Variants in IGSF11 observed in about 807,000 individuals in gnomAD.
IGSF11 encodes immunoglobulin superfamily member 11.
In IGSF11, 22 loss-of-function variants were observed where a neutral mutation model predicts 41.0. The observed-to-expected ratio is 0.54, with a 90% CI of 0.38 to 0.77. The LOEUF (loss-of-function observed/expected upper bound fraction) is 0.77. Among genes scored for constraint, IGSF11 ranks in the 30% least tolerant of loss-of-function variants. The probability of loss-of-function intolerance (pLI) is 0.00; values close to 1 mark genes in which losing one functional copy is unlikely to be tolerated. For synonymous variants in IGSF11, 219 were observed against 201.3 expected (o/e 1.09, Z -0.74); for missense variants, 444 against 530.8 (o/e 0.84, Z 1.61).
upstream of IGSF11, among the ~76,000 whole-genome samples, chr3:119,107,032 G>C (rs1026968915): frequency 5.3e-5 from 8 of 152,130 alleles, no homozygotes; most frequent in African/African-American, 1.9e-4. Context: ...ATTGTAAATA[G>C]TGCCACAATC....
upstream of IGSF11, chr3:119,035,008 C>A (rs2107742327): frequency 4.8e-6 from 1 of 209,142 alleles, no homozygotes; most frequent in Non-Finnish European, 8.4e-6. Context: ...CGGAGCAGAG[C>A]GCGGCGCGCA....
At chr3:118,969,796 G>A (rs923090579) in intron 1 of IGSF11, among the ~76,000 whole-genome samples, 2 of 152,312 alleles carry the variant, frequency 1.3e-5, no homozygotes. Flanking sequence ...TAAAATGCTA[G>A]ATTTGTGTGG....
chr3:119,019,625 G>A (rs946638047), intron 1 of IGSF11, among the ~76,000 whole-genome samples: 1 of 152,020 alleles, frequency 6.6e-6, no homozygotes, highest in African/African-American at 2.4e-5. Flanking sequence ...GGAAAGAGTT[G>A]CCCCTATAGC....
intron 4 of IGSF11, among the ~76,000 whole-genome samples, chr3:118,916,850 G>C (rs923338958): frequency 1.2e-4 from 18 of 151,520 alleles, no homozygotes; most frequent in Admixed American, 3.3e-4. Flanking sequence ...TGACCACATA[G>C]TTGGAAGTAA....
At chr3:119,068,585 G>A (rs1942301982) in intron 1 of IGSF11, among the ~76,000 whole-genome samples, 1 of 152,182 alleles carries the variant, frequency 6.6e-6, no homozygotes, top group Non-Finnish European at 1.5e-5. Flanking sequence ...TTCCATATCT[G>A]TAGTGGTCCT....
chr3:119,026,077 T>G (rs1222338877), intron 1 of IGSF11, among the ~76,000 whole-genome samples: 3 of 152,170 alleles, frequency 2.0e-5, no homozygotes, highest in Admixed American at 2.0e-4. Context: ...GAGACCAGCC[T>G]GACCAACATG....
At chr3:118,994,938 G>T (rs1428587267) in intron 1 of IGSF11, among the ~76,000 whole-genome samples, 1 of 152,158 alleles carries the variant, frequency 6.6e-6, no homozygotes, top group Non-Finnish European at 1.5e-5. Context: ...AGGAAAGCAG[G>T]CCACAGTCAA....
chr3:119,128,302 G>T (rs1369293069), intron 1 of IGSF11, among the ~76,000 whole-genome samples: 1 of 152,046 alleles, frequency 6.6e-6, no homozygotes, highest in Non-Finnish European at 1.5e-5. Context: ...AGGTTGCAGT[G>T]AGCTGAGAGC....
intron 1 of IGSF11, among the ~76,000 whole-genome samples, chr3:118,965,488 A>C (rs894912733): frequency 6.6e-6 from 1 of 152,042 alleles, no homozygotes; most frequent in Non-Finnish European, 1.5e-5. Flanking sequence ...TGGCTCGAAA[A>C]TGAATCAATG....
At chr3:119,127,572 C>T (rs751402488) in intron 1 of IGSF11, among the ~76,000 whole-genome samples, 7 of 152,016 alleles carry the variant, frequency 4.6e-5, no homozygotes, top group East Asian at 1.9e-4. Context: ...AGATAGTCCA[C>T]GAGAAGATCA....
chr3:119,112,040 G>C (rs969773709), intron 1 of IGSF11, among the ~76,000 whole-genome samples: 9 of 152,188 alleles, frequency 5.9e-5, no homozygotes, highest in African/African-American at 2.2e-4. Context: ...CGGGGGTCAG[G>C]GGTCTGGGAC....
intron 1 of IGSF11, among the ~76,000 whole-genome samples, chr3:119,086,808 G>A (rs2076683374): frequency 6.6e-6 from 1 of 152,150 alleles, no homozygotes. Flanking sequence ...GCACACTTAA[G>A]CACATAGCCC....
chr3:119,106,915 A>T (rs1468127215), upstream of IGSF11, among the ~76,000 whole-genome samples: 1 of 152,092 alleles, frequency 6.6e-6, no homozygotes, highest in Non-Finnish European at 1.5e-5. Context: ...AAGGACATGA[A>T]CTCATCATTT....
chr3:118,903,620 C>T (rs1438160143), intron 6 of IGSF11, among the ~76,000 whole-genome samples: 1 of 152,090 alleles, frequency 6.6e-6, no homozygotes, highest in Non-Finnish European at 1.5e-5. Context: ...GCATATGGCC[C>T]AAACGCTTAA....
At chr3:118,959,848 C>T (rs1480892359) in intron 1 of IGSF11, among the ~76,000 whole-genome samples, 2 of 151,956 alleles carry the variant, frequency 1.3e-5, no homozygotes, top group African/African-American at 4.8e-5. Flanking sequence ...GAGATCGAGA[C>T]CATCCTGGCT....
At chr3:118,971,229 A>G (rs2107618233) in intron 1 of IGSF11, among the ~76,000 whole-genome samples, 1 of 152,368 alleles carries the variant, frequency 6.6e-6, no homozygotes, top group East Asian at 1.9e-4. Flanking sequence ...AGACATTTTT[A>G]CATACTACAT....
chr3:119,015,563 A>G (rs1040289828), intron 1 of IGSF11, among the ~76,000 whole-genome samples: 1 of 152,210 alleles, frequency 6.6e-6, no homozygotes. Flanking sequence ...TTTAGAGGTA[A>G]GTAAACATTT....
intron 1 of IGSF11, among the ~76,000 whole-genome samples, chr3:118,995,645 G>GTTTA (rs34860359): frequency 0.16 from 22,967 of 144,620 alleles, 2,276 homozygotes; most frequent in East Asian, 0.21. Context: ...TGGTTTGCTT[G>GTTTA]TTTATTTATT....
At chr3:118,908,494 C>A (rs1939882971) in intron 4 of IGSF11, among the ~76,000 whole-genome samples, 2 of 152,198 alleles carry the variant, frequency 1.3e-5, no homozygotes, top group Non-Finnish European at 2.9e-5. Context: ...AAGCACATAG[C>A]CCTTCCCAAA....
Sources: allele counts gnomAD v4.1 joint callset (sites outside exome capture counted in the v4.1 genomes callset), GRCh38; gene constraint gnomAD v4.1.1; transcripts MANE v1.5; gene names NCBI Gene and HGNC (gene_info 2026-07-23, HGNC 2026-07-21).